LUZP2: variants seen among roughly 807,000 people sequenced by gnomAD.
LUZP2 encodes leucine zipper protein 2.
LUZP2 carries 52 observed loss-of-function variants against 51.6 expected under a neutral mutation model. The ratio of observed to expected loss-of-function variants is 1.01; its 90% CI spans 0.81 to 1.27. LUZP2 has a LOEUF of 1.27. Among genes scored for constraint, LUZP2 ranks in the 50% most tolerant of loss-of-function variants. LUZP2 has a pLI of 0.00. For missense variants in LUZP2, 436 were observed against 395.4 expected (o/e 1.10, Z -0.87); for synonymous variants, 154 against 137.3 (o/e 1.12, Z -0.85).
At chr11:24,952,045 AT>A (rs1451915441) in intron 7 of LUZP2, among the ~76,000 whole-genome samples, 1 of 151,714 alleles carries the variant, frequency 6.6e-6, no homozygotes, top group African/African-American at 2.4e-5. Context: ...TTTGCTAACA[AT>A]TCAATAGATG....
chr11:24,909,964 C>T (rs563955222), intron 6 of LUZP2, among the ~76,000 whole-genome samples: 1 of 152,074 alleles, frequency 6.6e-6, no homozygotes, highest in East Asian at 1.9e-4. Flanking sequence ...AGAGACTTCA[C>T]AAATGGTTTG....
intron 1 of LUZP2, among the ~76,000 whole-genome samples, chr11:24,671,944 A>T (rs1217102108): frequency 6.6e-6 from 1 of 152,144 alleles, no homozygotes; most frequent in Admixed American, 6.6e-5. Context: ...CTCAGTAGGA[A>T]AAAAAACCAC....
At chr11:24,687,736 C>T (rs923244004) in intron 1 of LUZP2, among the ~76,000 whole-genome samples, 1 of 152,178 alleles carries the variant, frequency 6.6e-6, no homozygotes, top group African/African-American at 2.4e-5. Flanking sequence ...CATGCTCAGG[C>T]ATAACTGAAA....
intron 2 of LUZP2, 130 bp downstream of exon 2, chr11:24,729,416 A>G (rs1858625900): frequency 8.1e-6 from 4 of 493,724 alleles, no homozygotes; most frequent in South Asian, 4.0e-5. Flanking sequence ...GTTACTTACT[A>G]TTATATGTGC....
intron 5 of LUZP2, among the ~76,000 whole-genome samples, chr11:24,873,564 G>T (rs1852151119): frequency 6.6e-6 from 1 of 152,144 alleles, no homozygotes; most frequent in Non-Finnish European, 1.5e-5. Flanking sequence ...AAATAGCTTA[G>T]TGAACCTTCT....
intron 7 of LUZP2, among the ~76,000 whole-genome samples, chr11:24,920,750 A>G (rs910355570): frequency 9.9e-5 from 15 of 152,000 alleles, no homozygotes; most frequent in Middle Eastern, 3.2e-3. Context: ...ATGTGTACAC[A>G]TGGACATAGA....
At chr11:24,771,304 A>G (rs1396403020) in intron 5 of LUZP2, among the ~76,000 whole-genome samples, 1 of 150,736 alleles carries the variant, frequency 6.6e-6, no homozygotes, top group African/African-American at 2.4e-5. Context: ...GCTATTGAAT[A>G]AGTGAGAAAC....
intron 1 of LUZP2, chr11:24,646,684 T>A (rs1372661291): frequency 1.4e-6 from 1 of 723,146 alleles, no homozygotes; most frequent in African/African-American, 1.9e-5. Flanking sequence ...CCCAAAAGAC[T>A]GTTGCTGATG....
intron 7 of LUZP2, among the ~76,000 whole-genome samples, chr11:24,950,764 T>A (rs1213458295): frequency 6.6e-6 from 1 of 151,630 alleles, no homozygotes; most frequent in Non-Finnish European, 1.5e-5. Flanking sequence ...TCATTTAAGC[T>A]TGAGAACAAC....
intron 5 of LUZP2, among the ~76,000 whole-genome samples, chr11:24,807,421 A>G (rs908572119): frequency 1.3e-5 from 2 of 150,292 alleles, no homozygotes; most frequent in African/African-American, 4.9e-5. Flanking sequence ...AGATCACACC[A>G]TTGCACTCCA....
At chr11:24,503,605 C>G (rs1324948170) in intron 1 of LUZP2, among the ~76,000 whole-genome samples, 1 of 152,132 alleles carries the variant, frequency 6.6e-6, no homozygotes, top group South Asian at 2.1e-4. Context: ...AAAAAGCCTA[C>G]GATTGGGACA....
intron 1 of LUZP2, among the ~76,000 whole-genome samples, chr11:24,589,635 A>C (rs552346906): frequency 6.6e-6 from 1 of 152,290 alleles, no homozygotes; most frequent in Non-Finnish European, 1.5e-5. Flanking sequence ...CTTAGGTTAC[A>C]ATTTTTTTAA....
At position 24,948,927 on chromosome 11, in the gene LUZP2, A is replaced by G. The variant is rs979614846; in HGVS notation, c.523-27664A>G. 5.3e-5 allele frequency among the ~76,000 whole-genome samples: 8 copies of G among 151,542 alleles called. No individual in the cohort carries two copies. The East Asian group carries it at 1.5e-3, about 29-fold the overall frequency. ...TAGATCAGCAGAACCATATTAACAG[A>G]GCCAATAGAAAATATATGTTTACAG... On this transcript the variant is annotated intron_variant, in intron 7 of 11. Transcript: ENST00000336930.
intron 5 of LUZP2, chr11:24,785,881 T>C: frequency 1.0e-6 from 1 of 985,340 alleles, no homozygotes; most frequent in Non-Finnish European, 1.2e-6. Flanking sequence ...TCCCTAAAAA[T>C]ACTTTGTTCC....
chr11:24,824,836 C>T (rs1190214235), intron 5 of LUZP2, among the ~76,000 whole-genome samples: 1 of 152,016 alleles, frequency 6.6e-6, no homozygotes, highest in Non-Finnish European at 1.5e-5. Context: ...AATAATAAAT[C>T]ACTATCAATT....
At chr11:24,685,531 C>T (rs1856870929) in intron 1 of LUZP2, among the ~76,000 whole-genome samples, 1 of 152,114 alleles carries the variant, frequency 6.6e-6, no homozygotes, top group African/African-American at 2.4e-5. Context: ...CTGGCTATGA[C>T]AAGGTGAACA....
At chr11:24,507,768 A>T (rs1173262904) in intron 1 of LUZP2, among the ~76,000 whole-genome samples, 1 of 152,034 alleles carries the variant, frequency 6.6e-6, no homozygotes, top group Non-Finnish European at 1.5e-5. Context: ...GAGGAGAAGT[A>T]ATATTTACGT....
chr11:24,542,057 A>T (rs953738829), intron 1 of LUZP2, among the ~76,000 whole-genome samples: 3 of 152,150 alleles, frequency 2.0e-5, no homozygotes, highest in Non-Finnish European at 4.4e-5. Flanking sequence ...TGTCATAAAT[A>T]AGTCAGATGT....
intron 5 of LUZP2, among the ~76,000 whole-genome samples, chr11:24,875,138 C>A (rs968574193): frequency 1.3e-5 from 2 of 151,382 alleles, no homozygotes; most frequent in Admixed American, 6.6e-5. Context: ...TTTTAGGGTA[C>A]ATGTGCACAA....
Sources: gnomAD v4.1 joint callset for allele counts (sites outside exome capture counted in the v4.1 genomes callset) on GRCh38, gnomAD v4.1.1 for gene constraint, MANE v1.5 for transcripts, NCBI Gene and HGNC (gene_info 2026-07-23, HGNC 2026-07-21) for gene names.